ARHGAP6: variants seen among roughly 807,000 people sequenced by gnomAD.
ARHGAP6 encodes rho GTPase-activating protein 6.
A neutral mutation model predicts 55.7 loss-of-function variants in ARHGAP6; 16 were observed. The ratio of observed to expected loss-of-function variants is 0.29; its 90% CI spans 0.19 to 0.44. The LOEUF is 0.44. Among genes scored for constraint, ARHGAP6 ranks in the 20% least tolerant of loss-of-function variants. The pLI is 1.00. For synonymous variants in ARHGAP6, 382 were observed against 360.9 expected, an observed-to-expected ratio of 1.06 and a Z score of -0.66; for missense variants, 698 against 808.9, an observed-to-expected ratio of 0.86 and a Z score of 1.66.
intron 1 of ARHGAP6, among the ~76,000 whole-genome samples, chrX:11,582,619 T>C (rs2051678532): frequency 8.9e-6 from 1 of 111,838 alleles, no homozygotes; most frequent in African/African-American, 3.2e-5. Flanking sequence ...AAAGCAAATC[T>C]TTCATGTGTG....
intron 1 of ARHGAP6, among the ~76,000 whole-genome samples, chrX:11,503,324 C>A (rs1004716484): frequency 8.9e-6 from 1 of 111,899 alleles, no homozygotes; most frequent in Non-Finnish European, 1.9e-5. Context: ...TCTCCTGTTT[C>A]CTCAGTGAAA....
rs1366407438 is a variant in ARHGAP6 at position 11,483,643 on chromosome X, T to C, written c.588+180598A>G. Among the ~76,000 whole-genome samples, 3 of 101,743 alleles carry C rather than the reference T, an allele frequency of 2.9e-5. No individual in the cohort carries two copies. In the Admixed American group the frequency reaches 3.2e-4, roughly 11 times the overall value. 88.4% of individuals were successfully genotyped at this position (101,743 alleles called of 115,157 possible). On this transcript the variant is annotated intron_variant, in intron 1 of 12. Coordinates refer to ENST00000337414, the MANE Select transcript of ARHGAP6 (RefSeq NM_013427.3). ...CTTCTAGCTCTGTGAGATAATCAAA[T>C]GTTTTTTTTTTTTCTTTTCTTTTCA...
chrX:11,536,968 T>C (rs1020436658), intron 1 of ARHGAP6, among the ~76,000 whole-genome samples: 4 of 112,523 alleles, frequency 3.6e-5, no homozygotes, highest in African/African-American at 1.3e-4. Flanking sequence ...CTTGATAGAA[T>C]GTGCTATCAC....
intron 2 of ARHGAP6, among the ~76,000 whole-genome samples, chrX:11,213,868 A>G (rs1483582597): frequency 2.7e-5 from 3 of 112,131 alleles, no homozygotes; most frequent in Non-Finnish European, 5.6e-5. Flanking sequence ...TTGCCCTCGT[A>G]GCCCTTAAAC....
chrX:11,569,805 TC>T (rs1236124582), intron 1 of ARHGAP6, among the ~76,000 whole-genome samples: 1 of 112,054 alleles, frequency 8.9e-6, no homozygotes, highest in African/African-American at 3.2e-5. Context: ...CCAAGGGGTC[TC>T]AGGCTTCATT....
At chrX:11,274,728 C>G (rs767253044) in intron 1 of ARHGAP6, among the ~76,000 whole-genome samples, 43 of 110,626 alleles carry the variant, frequency 3.9e-4, no homozygotes, top group Non-Finnish European at 6.4e-4. Context: ...AACCCATCAC[C>G]TAGGTATTAA....
intron 1 of ARHGAP6, among the ~76,000 whole-genome samples, chrX:11,257,232 T>C (rs925297631): frequency 8.9e-6 from 1 of 112,150 alleles, no homozygotes; most frequent in African/African-American, 3.2e-5. Flanking sequence ...GAGCTGACTG[T>C]TATTTGAAGT....
intron 1 of ARHGAP6, among the ~76,000 whole-genome samples, chrX:11,505,282 G>T (rs754598596): frequency 1.1e-3 from 123 of 111,035 alleles, no homozygotes; most frequent in African/African-American, 3.2e-3. Context: ...ATTATTGAGT[G>T]TTATAACACA....
At chrX:11,227,163 GGAT>G (rs1569264550) in intron 2 of ARHGAP6, among the ~76,000 whole-genome samples, 1 of 111,266 alleles carries the variant, frequency 9.0e-6, no homozygotes, top group Non-Finnish European at 1.9e-5. Flanking sequence ...AGCAACTTAA[GGAT>G]GATCTGTACA....
chrX:11,488,388 T>C (rs749378719), intron 1 of ARHGAP6, among the ~76,000 whole-genome samples: 33 of 112,299 alleles, frequency 2.9e-4, no homozygotes, highest in African/African-American at 1.0e-3. Context: ...AAGTTCCTTA[T>C]ACCATTACTT....
intron 1 of ARHGAP6, among the ~76,000 whole-genome samples, chrX:11,661,553 G>C (rs2052703507): frequency 8.9e-6 from 1 of 112,482 alleles, no homozygotes; most frequent in African/African-American, 3.2e-5. Context: ...GTTAAAAGCA[G>C]ACAAGATTCT....
chrX:11,232,464 T>TAC (rs1184749026), intron 2 of ARHGAP6, among the ~76,000 whole-genome samples: 140 of 106,713 alleles, frequency 1.3e-3, no homozygotes, highest in African/African-American at 4.5e-3. Flanking sequence ...CTACTAAAAA[T>TAC]ACACACAAAA....
intron 10 of ARHGAP6, among the ~76,000 whole-genome samples, chrX:11,149,312 G>A (rs1205805444): frequency 2.7e-5 from 3 of 112,099 alleles, no homozygotes; most frequent in Non-Finnish European, 5.6e-5. Context: ...AAGGGGTAAT[G>A]TGATACATTC....
intron 1 of ARHGAP6, among the ~76,000 whole-genome samples, chrX:11,356,448 AC>A (rs1316398174): frequency 7.2e-5 from 8 of 111,761 alleles, no homozygotes; most frequent in Non-Finnish European, 1.5e-4. Context: ...CACAAACAAA[AC>A]AAAAACAAAA....
At chrX:11,252,816 C>T (rs1303851981) in intron 2 of ARHGAP6, among the ~76,000 whole-genome samples, 4 of 111,868 alleles carry the variant, frequency 3.6e-5, no homozygotes, top group East Asian at 2.8e-4. Flanking sequence ...CAAGAAAAAA[C>T]GTGGCCCTAA....
At chrX:11,647,507 A>G (rs1428373239) in intron 1 of ARHGAP6, among the ~76,000 whole-genome samples, 2 of 112,240 alleles carry the variant, frequency 1.8e-5, no homozygotes, top group Admixed American at 9.4e-5. Flanking sequence ...TGGAAAAAAA[A>G]GGGCAGGCGA....
At chrX:11,593,090 G>T (rs773645761) in intron 1 of ARHGAP6, among the ~76,000 whole-genome samples, 1 of 112,160 alleles carries the variant, frequency 8.9e-6, no homozygotes, top group South Asian at 3.7e-4. Flanking sequence ...AATTTGCAAC[G>T]AATGACCAGT....
chrX:11,574,158 T>C (rs1473135320), intron 1 of ARHGAP6, among the ~76,000 whole-genome samples: 1 of 111,306 alleles, frequency 9.0e-6, no homozygotes, highest in Non-Finnish European at 1.9e-5. Flanking sequence ...AAGGAGGAAC[T>C]GGTACCATTC....
chrX:11,432,709 A>G (rs1487206254), intron 1 of ARHGAP6, among the ~76,000 whole-genome samples: 2 of 111,826 alleles, frequency 1.8e-5, no homozygotes, highest in Non-Finnish European at 3.8e-5. Context: ...CTGGAGTAGC[A>G]GCTTAAGGCC....
Sources: allele counts gnomAD v4.1 joint callset (sites outside exome capture counted in the v4.1 genomes callset), GRCh38; gene constraint gnomAD v4.1.1; transcripts MANE v1.5; gene names NCBI Gene and HGNC (gene_info 2026-07-23, HGNC 2026-07-21).